Variants in SDK1 observed in about 807,000 individuals in gnomAD.
The protein encoded by SDK1 is protein sidekick-1.
A neutral mutation model predicts 245.5 loss-of-function variants in SDK1; 157 were observed. The ratio of observed to expected loss-of-function variants is 0.64; its 90% CI spans 0.56 to 0.73. The LOEUF (loss-of-function observed/expected upper bound fraction) is 0.73. Among genes scored for constraint, SDK1 ranks in the 30% least tolerant of loss-of-function variants. The pLI is 0.00. For synonymous variants in SDK1, 1,647 were observed against 1,278.5 expected, an observed-to-expected ratio of 1.29 and a Z score of -6.15; for missense variants, 3,583 against 3,002.3, an observed-to-expected ratio of 1.19 and a Z score of -4.52.
At chr7:3,706,619 G>T (rs1415404702) in intron 4 of SDK1, among the ~76,000 whole-genome samples, 1 of 152,146 alleles carries the variant, frequency 6.6e-6, no homozygotes, top group East Asian at 1.9e-4. Flanking sequence ...AGCCAGGATG[G>T]TTGCGATCTC....
intron 1 of SDK1, among the ~76,000 whole-genome samples, chr7:3,563,637 G>C (rs991698839): frequency 4.6e-5 from 7 of 152,156 alleles, no homozygotes; most frequent in African/African-American, 1.7e-4. Context: ...TCAGAAATTA[G>C]TAAATCCTAC....
chr7:3,775,074 C>A (rs908409123), intron 4 of SDK1, among the ~76,000 whole-genome samples: 4 of 152,124 alleles, frequency 2.6e-5, no homozygotes, highest in African/African-American at 9.7e-5. Context: ...TTGTGTTGTC[C>A]CACTCCTGTT....
chr7:3,899,177 T>A (rs1204035730), intron 5 of SDK1, among the ~76,000 whole-genome samples: 2 of 152,226 alleles, frequency 1.3e-5, no homozygotes, highest in African/African-American at 4.8e-5. Flanking sequence ...TTGTTCACCC[T>A]CCCTGATCTG....
At chr7:3,574,157 C>T (rs1175053218) in intron 1 of SDK1, among the ~76,000 whole-genome samples, 1 of 151,266 alleles carries the variant, frequency 6.6e-6, no homozygotes. Context: ...CACTCTGTCA[C>T]CTGGGCTAGA....
chr7:3,335,351 C>T (rs1351539685), intron 1 of SDK1, among the ~76,000 whole-genome samples: 1 of 152,068 alleles, frequency 6.6e-6, no homozygotes, highest in Non-Finnish European at 1.5e-5. Flanking sequence ...CAAGCTGTCT[C>T]CTGATTGTTC....
intron 21 of SDK1, among the ~76,000 whole-genome samples, chr7:4,079,126 T>G (rs1780893567): frequency 6.6e-6 from 1 of 152,206 alleles, no homozygotes; most frequent in Non-Finnish European, 1.5e-5. Flanking sequence ...TTACATTCAT[T>G]CATCCTTTCC....
chr7:3,367,727 T>C (rs1227377703), intron 1 of SDK1, among the ~76,000 whole-genome samples: 2 of 152,222 alleles, frequency 1.3e-5, no homozygotes, highest in Non-Finnish European at 2.9e-5. Flanking sequence ...TGCTCTTAGT[T>C]TGAGTTACTC....
intron 1 of SDK1, among the ~76,000 whole-genome samples, chr7:3,324,728 G>A (rs538393369): frequency 6.6e-6 from 1 of 152,092 alleles, no homozygotes; most frequent in South Asian, 2.1e-4. Context: ...CATCCTAATG[G>A]GTTCAATTTG....
chr7:3,346,209 T>G (rs889255928), intron 1 of SDK1, among the ~76,000 whole-genome samples: 2 of 152,174 alleles, frequency 1.3e-5, no homozygotes, highest in African/African-American at 4.8e-5. Flanking sequence ...TAAAGCTGAT[T>G]GTGCCCTGCA....
intron 10 of SDK1, among the ~76,000 whole-genome samples, chr7:3,968,262 C>T (rs1000053767): frequency 5.9e-5 from 9 of 152,236 alleles, no homozygotes; most frequent in African/African-American, 2.2e-4. Flanking sequence ...CCTGGGAAGG[C>T]TGCCTTTGCA....
chr7:3,710,919 A>G (rs955219854), intron 4 of SDK1, among the ~76,000 whole-genome samples: 1 of 152,234 alleles, frequency 6.6e-6, no homozygotes, highest in African/African-American at 2.4e-5. Flanking sequence ...TTCAGGCAGT[A>G]ATACAAAGAT....
At chr7:3,509,068 G>T (rs993144280) in intron 1 of SDK1, among the ~76,000 whole-genome samples, 1 of 136,844 alleles carries the variant, frequency 7.3e-6, no homozygotes, top group African/African-American at 2.9e-5. Context: ...GGAAGGTGGG[G>T]TGTGTGTGTG....
chr7:3,982,361 T>A (rs1477131861), intron 13 of SDK1, among the ~76,000 whole-genome samples: 1 of 152,242 alleles, frequency 6.6e-6, no homozygotes, highest in Non-Finnish European at 1.5e-5. Context: ...GTGGGTTTCA[T>A]GCCTGCTAGC....
At chr7:4,009,178 G>A (rs1254786945) in intron 14 of SDK1, among the ~76,000 whole-genome samples, 1 of 152,202 alleles carries the variant, frequency 6.6e-6, no homozygotes. Context: ...AAACAAAACT[G>A]AACACCCTTA....
chr7:3,524,475 AAT>A lies in SDK1; in HGVS notation c.299-94600_299-94599del, dbSNP rs1034142185. ...GATGGCAGGAAGTATAGGATTGGGG[AAT>A]ATATTTTAAAGGCTATGCCAAACAG... On this transcript the variant is annotated intron_variant, in intron 1 of 44. Coordinates refer to ENST00000404826, the MANE Select transcript of SDK1 (RefSeq NM_152744.4). Among the ~76,000 whole-genome samples, 174 of 152,202 alleles carry A rather than the reference AAT, an allele frequency of 1.1e-3. 1 individual carries two copies. The highest frequency in any genetic ancestry group is 4.1e-3 in the African/African-American group (172 of 41,526).
At chr7:4,163,094 C>T (rs1345842656) in intron 32 of SDK1, among the ~76,000 whole-genome samples, 1 of 152,174 alleles carries the variant, frequency 6.6e-6, no homozygotes, top group South Asian at 2.1e-4. Context: ...AGCACGAGGG[C>T]AGAGTCAAAG....
At chr7:4,085,794 A>T (rs1407687460) in intron 22 of SDK1, among the ~76,000 whole-genome samples, 1 of 152,120 alleles carries the variant, frequency 6.6e-6, no homozygotes, top group Non-Finnish European at 1.5e-5. Context: ...ACCTCAAGTG[A>T]TCCGCCCGCC....
chr7:3,714,326 T>C (rs1211198841), intron 4 of SDK1, among the ~76,000 whole-genome samples: 1 of 152,230 alleles, frequency 6.6e-6, no homozygotes, highest in Admixed American at 6.5e-5. Flanking sequence ...ATTACTATTC[T>C]TAGAATTAAA....
intron 4 of SDK1, among the ~76,000 whole-genome samples, chr7:3,720,788 T>C (rs906124723): frequency 6.6e-6 from 1 of 152,226 alleles, no homozygotes; most frequent in Non-Finnish European, 1.5e-5. Context: ...CACAAAAACC[T>C]GTACATGAGT....
Sources: allele counts gnomAD v4.1 joint callset (sites outside exome capture counted in the v4.1 genomes callset), GRCh38; gene constraint gnomAD v4.1.1; transcripts MANE v1.5; gene names NCBI Gene and HGNC (gene_info 2026-07-23, HGNC 2026-07-21).